Variants in TTYH2 observed in about 807,000 individuals in gnomAD.
The protein encoded by TTYH2 is protein tweety homolog 2.
In TTYH2, 49 loss-of-function variants were observed where a neutral mutation model predicts 68.3. That is an observed-to-expected ratio of 0.72 (90% confidence interval 0.57 to 0.91). The LOEUF is 0.91. Among genes scored for constraint, TTYH2 ranks in the 40% least tolerant of loss-of-function variants. TTYH2 has a pLI of 0.00. For missense variants in TTYH2, 631 were observed against 700.4 expected (o/e 0.90, Z 1.12); for synonymous variants, 272 against 300.8 (o/e 0.90, Z 0.99).
At position 74,231,006 on chromosome 17, in the gene TTYH2, C is replaced by T. The variant is rs746249196; in HGVS notation, c.414+7C>T. ...CTCTGGGATCGATGCTCTGGTAAGG[C>T]TCCCGGGCAGCTGGCCGGGTACAGG... On this transcript the variant is annotated splice_region_variant and intron_variant, in intron 3 of 13. Coordinates refer to ENST00000269346, the MANE Select transcript of TTYH2 (RefSeq NM_032646.6). 3.1e-6 allele frequency: 5 copies of T among 1,612,798 alleles called. No individual in the cohort carries two copies. The highest frequency in any genetic ancestry group is 3.3e-5 in the Admixed American group (2 of 59,982).
Position 74,250,015 on chromosome 17 carries a change from TCTC to T in TTYH2, c.1012_1014del (p.Ser338del). ...CTGCTGCAGTTTGCCGTGCCCCTCT[TCTC>T]CACTGCAGAGGTAAGGCAGCTGTGC... On this transcript the variant is annotated inframe_deletion, in exon 9 of 14. Coordinates refer to ENST00000269346, the MANE Select transcript of TTYH2 (RefSeq NM_032646.6). The T allele has an allele frequency of 3.1e-6, 5 of 1,613,970 alleles. No individual in the cohort carries two copies. The highest frequency in any genetic ancestry group is 4.2e-6 in the Non-Finnish European group (5 of 1,179,958).
intron 2 of TTYH2, among the ~76,000 whole-genome samples, chr17:74,224,912 T>C (rs1288353201): frequency 6.6e-6 from 1 of 151,358 alleles, no homozygotes; most frequent in Non-Finnish European, 1.5e-5. Flanking sequence ...GGCAGGAGTA[T>C]CATTTGAACC....
rs2050496178 is a variant in TTYH2, at chr17:74,241,225, A to G, written c.636-2149A>G. Among the ~76,000 whole-genome samples, 6 of 151,904 alleles carry G rather than the reference A, an allele frequency of 3.9e-5. No individual in the cohort carries two copies. The highest frequency in any genetic ancestry group is 3.9e-4 in the Admixed American group (6 of 15,244). The stretch of plus-strand genomic sequence containing the variant: ...CTCTTGAGTCCAGGAGTTTGAGACC[A>G]GCCTGGACAACATAGACAGACCCGG... On this transcript the variant is annotated intron_variant, in intron 4 of 13. Coordinates refer to ENST00000269346, the MANE Select transcript of TTYH2 (RefSeq NM_032646.6). This position sits in a 1 kb window ranked among gnomAD's most constrained non-coding sequence, Gnocchi z 4.1.
rs79614848 is a variant in TTYH2 at position 74,214,333 on chromosome 17, G to C, written c.129+617G>C. 6.6e-6 allele frequency among the ~76,000 whole-genome samples: 1 copy of C among 152,136 alleles called. No individual in the cohort carries two copies. Among genetic ancestry groups the C allele is most frequent in the Admixed American group, 6.5e-5 (1 of 15,274 alleles). On this transcript the variant is annotated intron_variant, in intron 1 of 13. Transcript: ENST00000269346. The surrounding 1 kb of genome is among the most constrained non-coding windows in gnomAD (Gnocchi z 4.6). Reference sequence around the variant, plus strand: ...GCGCAGAGAACCCACAGCTGCTTGCGCTTGTTCCAGGGAAGGAAGGTGGCC... The same window carrying C: ...GCGCAGAGAACCCACAGCTGCTTGCCCTTGTTCCAGGGAAGGAAGGTGGCC...
chr17:74,214,725 G>T lies in TTYH2; in HGVS notation c.129+1009G>T, dbSNP rs1003437846. ...TGTTGGGTCAAAGATTCTGGGGCCA[G>T]TGGACCAGGATGAGGTCCATTTATT... On this transcript the variant is annotated intron_variant, in intron 1 of 13. Coordinates refer to ENST00000269346, the MANE Select transcript of TTYH2 (RefSeq NM_032646.6). This position sits in a 1 kb window ranked among gnomAD's most constrained non-coding sequence, Gnocchi z 4.6. Among the ~76,000 whole-genome samples the T allele has an allele frequency of 6.6e-6, 1 of 152,210 alleles. No individual in the cohort carries two copies. The highest frequency in any genetic ancestry group is 2.4e-5 in the African/African-American group (1 of 41,454).
Position 74,249,992 on chromosome 17 carries a change from G to A in TTYH2, c.987G>A (p.Leu329=), listed in dbSNP as rs924090074. 1 of 1,614,146 alleles carries A rather than the reference G, an allele frequency of 6.2e-7. No homozygotes were observed. Among genetic ancestry groups the A allele is most frequent in the Non-Finnish European group, 8.5e-7 (1 of 1,180,020 alleles). ...LTTMQIQVAG[L]LQFAVPLFST... ...CCATGCAGATCCAGGTCGCGGGGCT[G>A]CTGCAGTTTGCCGTGCCCCTCTTCT... Residue 329 remains leucine, a synonymous_variant, in exon 9 of 14, where the codon CTG becomes CTA. Transcript: ENST00000269346.
chr17:74,251,355 TGTGTGTGC>T, intron 10 of TTYH2, among the ~76,000 whole-genome samples: 1 of 53,194 alleles, frequency 1.9e-5, no homozygotes, highest in South Asian at 5.3e-4. Context: ...GTGGTGCATG[TGTGTGTGC>T]ATGTGGGGGG....
At chr17:74,219,303 C>A (rs1567809147) in intron 1 of TTYH2, among the ~76,000 whole-genome samples, 7 of 150,838 alleles carry the variant, frequency 4.6e-5, no homozygotes, top group Non-Finnish European at 1.0e-4. Flanking sequence ...GCAGGAGAAT[C>A]CCTTGCACCT....
chr17:74,255,339 G>A lies in TTYH2; in HGVS notation c.1524+1506G>A, dbSNP rs547275376. ...TGGGCAAATTGATTGTTATCAGAGC[G>A]TACGTGCGAAGCATCCAGTGAGTGC... is the stretch of plus-strand genomic sequence containing the variant. On this transcript the variant is annotated intron_variant, in intron 13 of 13. Transcript: ENST00000269346. Among the ~76,000 whole-genome samples the A allele has an allele frequency of 5.3e-5, 8 of 152,346 alleles. No homozygotes were observed. The South Asian group carries it at 6.2e-4, about 12-fold the overall frequency.
chr17:74,225,952 G>C (rs763748743), intron 2 of TTYH2, among the ~76,000 whole-genome samples: 1 of 152,250 alleles, frequency 6.6e-6, no homozygotes, highest in African/African-American at 2.4e-5. Flanking sequence ...ACACCTGGGC[G>C]TGGGCAGTGA....
intron 5 of TTYH2, 74 bp from the exon 6 acceptor site, chr17:74,243,903 G>A: frequency 6.9e-7 from 1 of 1,451,430 alleles, no homozygotes. Flanking sequence ...AGGGTCTGGG[G>A]GCAGGGTGGG....
At chr17:74,258,952 C>T (rs936141062) in intron 13 of TTYH2, among the ~76,000 whole-genome samples, 6 of 152,068 alleles carry the variant, frequency 3.9e-5, no homozygotes, top group Non-Finnish European at 4.4e-5. Context: ...TGAAGCTTCC[C>T]GGGTCAGGAG....
intron 6 of TTYH2, among the ~76,000 whole-genome samples, chr17:74,245,198 G>A (rs772201836): frequency 7.9e-5 from 12 of 152,204 alleles, no homozygotes; most frequent in Non-Finnish European, 1.6e-4. Flanking sequence ...GGAGAAGAGG[G>A]GGCATTTTCT....
chr17:74,235,967 G>C (rs1024164330), intron 3 of TTYH2, among the ~76,000 whole-genome samples: 1 of 151,940 alleles, frequency 6.6e-6, no homozygotes, highest in Non-Finnish European at 1.5e-5. Flanking sequence ...ACTGCCTAGA[G>C]GGTAGCCCTG....
chr17:74,249,888 TCCTGGG>T, intron 8 of TTYH2, 42 bp from the exon 9 acceptor site: 2 of 1,484,980 alleles, frequency 1.3e-6, no homozygotes, highest in East Asian at 2.3e-5. Flanking sequence ...ACTGTGGGGC[TCCTGGG>T]AGACGGAGCC....
chr17:74,240,256 T>C (rs900829856), intron 4 of TTYH2, among the ~76,000 whole-genome samples: 3 of 152,042 alleles, frequency 2.0e-5, no homozygotes, highest in Non-Finnish European at 4.4e-5. Context: ...CTGGGCAACA[T>C]GGAGAAACCT....
Position 74,243,445 on chromosome 17 carries a change from A to C in TTYH2, c.707A>C (p.Lys236Thr), listed in dbSNP as rs559055873. Residue 236 changes from lysine (K) to threonine (T), a missense_variant, in exon 5 of 14, where the codon AAG becomes ACG. Transcript: ENST00000269346. ...CTCATTGCCTGCCTGGGACTGGCCA[A>C]GCGCTCCAAGTGTCTCCTGGCCTCG... ...ICLIACLGLAKRSKCLLASML... is the reference protein window; with the variant it reads ...ICLIACLGLATRSKCLLASML... 7.4e-6 allele frequency: 12 copies of C among 1,614,158 alleles called. No individual in the cohort carries two copies. The South Asian group carries it at 1.3e-4, about 18-fold the overall frequency.
At chr17:74,244,395 C>T (rs376577470) in intron 6 of TTYH2, among the ~76,000 whole-genome samples, 13 of 152,290 alleles carry the variant, frequency 8.5e-5, no homozygotes, top group African/African-American at 2.4e-4. Context: ...AAGAACTGAC[C>T]GGGTCTCCTG....
chr17:74,223,010 GT>G (rs2143721529), intron 2 of TTYH2, among the ~76,000 whole-genome samples: 1 of 152,212 alleles, frequency 6.6e-6, no homozygotes, highest in East Asian at 1.9e-4. Flanking sequence ...TCAGAAGAAA[GT>G]TTGACTCCAG....
Sources: allele counts gnomAD v4.1 joint callset (sites outside exome capture counted in the v4.1 genomes callset), GRCh38; gene constraint gnomAD v4.1.1; non-coding constraint Gnocchi (gnomAD v3.1); transcripts MANE v1.5; gene names NCBI Gene and HGNC (gene_info 2026-07-23, HGNC 2026-07-21).